KIF20B: variants seen among roughly 807,000 people sequenced by gnomAD.
The protein encoded by KIF20B is kinesin-like protein KIF20B.
KIF20B carries 188 observed loss-of-function variants against 232.5 expected under a neutral mutation model. The ratio of observed to expected loss-of-function variants is 0.81; its 90% CI spans 0.72 to 0.91. The LOEUF (loss-of-function observed/expected upper bound fraction) is 0.91. Ranked by LOEUF, KIF20B falls within the 40% of genes least tolerant of loss-of-function variation. The pLI is 0.00. For synonymous variants in KIF20B, 712 were observed against 683.0 expected (o/e 1.04, Z -0.66); for missense variants, 2,154 against 2,055.9 (o/e 1.05, Z -0.92).
intron 23 of KIF20B, among the ~76,000 whole-genome samples, chr10:89,746,179 GGT>G (rs1841905683): frequency 6.6e-6 from 1 of 152,196 alleles, no homozygotes; most frequent in African/African-American, 2.4e-5. Flanking sequence ...TGTTCTACAG[GGT>G]GTTTTTTCAG....
chr10:89,738,223 T>G lies in KIF20B; in HGVS notation c.3382T>G (p.Leu1128Val). 1 of 1,601,074 alleles carries G rather than the reference T, an allele frequency of 6.2e-7. No individual in the cohort carries two copies. The highest frequency in any genetic ancestry group is 8.5e-7 in the Non-Finnish European group (1 of 1,177,278). ...TCTTATACAGCAGCTGAAAGAAGAA[T>G]TGCAAGAAAAAAATGTTACTCTTGA... is the stretch of plus-strand genomic sequence containing the variant. ...ETLIQQLKEE[L>V]QEKNVTLDVQ... Residue 1128 changes from leucine to valine, a missense_variant, in exon 20 of 33, where the codon TTG becomes GTG. Coordinates refer to ENST00000371728, the MANE Select transcript of KIF20B (RefSeq NM_001284259.2).
intron 29 of KIF20B, among the ~76,000 whole-genome samples, chr10:89,764,647 T>A (rs1842316951): frequency 6.6e-6 from 1 of 152,068 alleles, no homozygotes; most frequent in Non-Finnish European, 1.5e-5. Flanking sequence ...TGATGGCCAG[T>A]GATGATGAGC....
intron 25 of KIF20B, among the ~76,000 whole-genome samples, chr10:89,754,313 T>C (rs1282852817): frequency 1.3e-5 from 2 of 152,094 alleles, no homozygotes; most frequent in Non-Finnish European, 1.5e-5. Flanking sequence ...AAAATTAACT[T>C]ATAAATGAAA....
chr10:89,735,050 A>G (rs1205435898), intron 19 of KIF20B, among the ~76,000 whole-genome samples: 1 of 152,212 alleles, frequency 6.6e-6, no homozygotes, highest in East Asian at 1.9e-4. Flanking sequence ...ATTCCTCCCA[A>G]TAAAACTAGA....
At chr10:89,753,223 A>G (rs974224460) in intron 25 of KIF20B, among the ~76,000 whole-genome samples, 85 of 152,200 alleles carry the variant, frequency 5.6e-4, no homozygotes, top group Non-Finnish European at 1.2e-3. Flanking sequence ...AGGATTTACC[A>G]AATACTATTT....
In KIF20B at chr10:89,738,163, A is replaced by G; in HGVS notation, c.3322A>G (p.Lys1108Glu). ...ENNRLKEKEH[K>E]NQDDLLKEKE... ...CAATAGACTAAAGGAGAAGGAGCAT[A>G]AAAACCAAGATGACCTACTAAAAGA... Residue 1108 changes from lysine to glutamate, a missense_variant, in exon 20 of 33, where the codon AAA becomes GAA. Physicochemically the swap from Lys to Glu is moderately conservative, Grantham distance 56. Transcript: ENST00000371728. 4 of 1,608,120 alleles carry G rather than the reference A, an allele frequency of 2.5e-6. No homozygotes were observed. The highest frequency in any genetic ancestry group is 3.4e-6 in the Non-Finnish European group (4 of 1,179,278).
chr10:89,743,701 C>A, intron 21 of KIF20B, 107 bp from the exon 22 acceptor site: 1 of 654,172 alleles, frequency 1.5e-6, no homozygotes, highest in Non-Finnish European at 2.4e-6. Context: ...TTCTTTTAGG[C>A]TGTAAAGGAT....
intron 29 of KIF20B, among the ~76,000 whole-genome samples, chr10:89,764,820 C>T (rs543320270): frequency 9.2e-5 from 14 of 151,996 alleles, no homozygotes; most frequent in East Asian, 3.9e-4. Flanking sequence ...GAGTAGGTTG[C>T]GAAAATTTTC....
intron 23 of KIF20B, among the ~76,000 whole-genome samples, chr10:89,747,105 C>G (rs897160286): frequency 6.6e-6 from 1 of 152,142 alleles, no homozygotes; most frequent in African/African-American, 2.4e-5. Flanking sequence ...CAAAAGAAGA[C>G]ATTTATGCAG....
chr10:89,724,122 G>T lies in KIF20B; in HGVS notation c.1862+19G>T. 6.9e-7 allele frequency: 1 copy of T among 1,440,388 alleles called. No homozygotes were observed. Among genetic ancestry groups the T allele is most frequent in the Non-Finnish European group, 9.1e-7 (1 of 1,095,842 alleles). 89.2% of individuals were successfully genotyped at this position (1,440,388 alleles called of 1,614,324 possible). On this transcript the variant is annotated intron_variant, in intron 14 of 32. Transcript: ENST00000371728. Reference sequence around the variant, plus strand: ...ACTTTAAGTAAGTTATTTATTTCATGTCCAGGTAAAAATTGAGAATTTTAT... The same window carrying T: ...ACTTTAAGTAAGTTATTTATTTCATTTCCAGGTAAAAATTGAGAATTTTAT...
chr10:89,760,757 G>A (rs1212289653), intron 28 of KIF20B, 121 bp downstream of exon 28: 11 of 589,002 alleles, frequency 1.9e-5, no homozygotes, highest in African/African-American at 7.6e-5. Flanking sequence ...GCTCTGGGCT[G>A]TGTGAAAGAA....
At chr10:89,707,821 A>T (rs1224080489) in intron 2 of KIF20B, among the ~76,000 whole-genome samples, 1 of 152,198 alleles carries the variant, frequency 6.6e-6, no homozygotes, top group Non-Finnish European at 1.5e-5. Flanking sequence ...CTTTATCAGG[A>T]TGAGGAAGTT....
In KIF20B at chr10:89,760,522, T is replaced by G. The variant is rs1215162513; in HGVS notation, c.4681-4T>G. On this transcript the variant is annotated splice_region_variant and splice_polypyrimidine_tract_variant and intron_variant, in intron 27 of 32. Coordinates refer to ENST00000371728, the MANE Select transcript of KIF20B (RefSeq NM_001284259.2). ...CCTGTTGCTTTAATATTTCCTTACT[T>G]TAGGAAACACAAATCATGGATATCA... The G allele has an allele frequency of 6.3e-7, 1 of 1,593,210 alleles. No homozygotes were observed. The highest frequency in any genetic ancestry group is 1.3e-5 in the African/African-American group (1 of 74,438).
chr10:89,751,117 C>G (rs565444279), intron 23 of KIF20B, among the ~76,000 whole-genome samples: 1 of 152,024 alleles, frequency 6.6e-6, no homozygotes, highest in Non-Finnish European at 1.5e-5. Flanking sequence ...TCCACTCTTG[C>G]AATCATCCAA....
chr10:89,714,625 G>A (rs1478241875), intron 7 of KIF20B, among the ~76,000 whole-genome samples: 6 of 152,078 alleles, frequency 3.9e-5, no homozygotes, highest in Admixed American at 2.0e-4. Context: ...GTGATGTTTC[G>A]TTTGTATTAA....
Position 89,771,681 on chromosome 10 carries a change from T to A in KIF20B, c.5243-1008T>A, listed in dbSNP as rs578102072. Among the ~76,000 whole-genome samples, 4 of 152,078 alleles carry A rather than the reference T, an allele frequency of 2.6e-5. No individual in the cohort carries two copies. The South Asian group carries it at 8.3e-4, about 32-fold the overall frequency. ...GGAGGGGGAACCTTGAAGACGCTTT[T>A]CTCCACTGTAACTCGGTACTTTTCC... On this transcript the variant is annotated intron_variant, in intron 31 of 32. Coordinates refer to ENST00000371728, the MANE Select transcript of KIF20B (RefSeq NM_001284259.2).
chr10:89,773,890 C>T, intron 32 of KIF20B, 81 bp from the exon 33 acceptor site: 1 of 732,328 alleles, frequency 1.4e-6, no homozygotes. Flanking sequence ...AGCACATGAA[C>T]ATGTCTTACT....
chr10:89,738,000 C>A lies in KIF20B; in HGVS notation c.3159C>A (p.Phe1053Leu), dbSNP rs1841698680. ...AAGAACCCAATAGGGAAAATTCTTT[C>A]CACTCTAGTATTGAAGCTATTTGGG... ...RIQEPNRENSFHSSIEAIWEE... is the reference protein window; with the variant it reads ...RIQEPNRENSLHSSIEAIWEE... The change falls in exon 20 of 33, where the codon TTC (phenylalanine) becomes TTA (leucine). Residue 1053 changes from phenylalanine to leucine, a missense_variant. By Grantham distance (22) the Phe-to-Leu change is conservative. Transcript: ENST00000371728. The A allele has an allele frequency of 2.5e-6, 4 of 1,612,970 alleles. No homozygotes were observed. Among genetic ancestry groups the A allele is most frequent in the Middle Eastern group, 1.7e-4 (1 of 6,046 alleles).
Position 89,738,213 on chromosome 10 carries a change from G to A in KIF20B, c.3372G>A (p.Leu1124=). 6.9e-6 allele frequency: 11 copies of A among 1,602,586 alleles called. No individual in the cohort carries two copies. The highest frequency in any genetic ancestry group is 9.3e-6 in the Non-Finnish European group (11 of 1,177,752). ...AAAAAGAAACTCTTATACAGCAGCT[G>A]AAAGAAGAATTGCAAGAAAAAAATG... The part of the protein sequence containing the change: ...LKEKETLIQQ[L]KEELQEKNVT... The change falls in exon 20 of 33, where the codon CTG becomes CTA. Residue 1124 remains leucine (L), a synonymous_variant. Coordinates refer to ENST00000371728, the MANE Select transcript of KIF20B (RefSeq NM_001284259.2).
Sources: gnomAD v4.1 joint callset for allele counts (sites outside exome capture counted in the v4.1 genomes callset) on GRCh38, gnomAD v4.1.1 for gene constraint, MANE v1.5 for transcripts, NCBI Gene and HGNC (gene_info 2026-07-23, HGNC 2026-07-21) for gene names.